The following FOXP2 variants were observed in gnomAD, a reference collection of about 807,000 sequenced individuals.
FOXP2 encodes forkhead box protein P2.
Under a neutral mutation model 115.8 loss-of-function variants are expected in FOXP2, and 12 were observed. That is an observed-to-expected ratio of 0.10 (90% CI 0.07 to 0.17). The LOEUF (loss-of-function observed/expected upper bound fraction) is 0.17. Among genes scored for constraint, FOXP2 ranks in the 10% least tolerant of loss-of-function variants. The probability of loss-of-function intolerance (pLI) is 1.00; values close to 1 mark genes in which losing one functional copy is unlikely to be tolerated. For synonymous variants in FOXP2, 328 were observed against 297.7 expected (o/e 1.10, Z -1.05); for missense variants, 629 against 843.5 (o/e 0.75, Z 3.15).
chr7:114,682,572 T>C (rs1808145360), intron 16 of FOXP2, among the ~76,000 whole-genome samples: 1 of 152,144 alleles, frequency 6.6e-6, no homozygotes, highest in African/African-American at 2.4e-5. Flanking sequence ...CATGGCACCT[T>C]GAGGAATTTG....
Position 114,690,125 on chromosome 7 carries a change from T to A in FOXP2, c.*199T>A. 1 of 582,670 alleles carries A rather than the reference T, an allele frequency of 1.7e-6. No homozygotes were observed. The highest frequency in any genetic ancestry group is 3.0e-6 in the Non-Finnish European group (1 of 330,938). The allele number at this position is 582,670 out of a possible 1,614,324, so 36.1% of individuals were successfully genotyped here. A position where few individuals can be genotyped will look rare whatever the true frequency, so the allele number is the denominator to read the frequency against. On this transcript the variant is annotated 3_prime_UTR_variant, in exon 17 of 17. Coordinates refer to ENST00000350908, the MANE Select transcript of FOXP2 (RefSeq NM_014491.4). ...AAATTGCTTGTTTTCTTCTTCTTCT[T>A]CTTCTTTTTTTTTTTTTTTTTAGAA...
intron 2 of FOXP2, among the ~76,000 whole-genome samples, chr7:114,306,280 A>G (rs1797012526): frequency 6.6e-6 from 1 of 152,110 alleles, no homozygotes; most frequent in Non-Finnish European, 1.5e-5. Context: ...AAGCCACATG[A>G]ACATTAGTTT....
intron 2 of FOXP2, among the ~76,000 whole-genome samples, chr7:114,298,210 C>G (rs1473558434): frequency 1.3e-5 from 2 of 152,154 alleles, no homozygotes; most frequent in African/African-American, 4.8e-5. Flanking sequence ...AACTGCAGAT[C>G]AGAGAACTTG....
At chr7:114,620,247 T>A (rs1264449680) in intron 3 of FOXP2, among the ~76,000 whole-genome samples, 1 of 152,070 alleles carries the variant, frequency 6.6e-6, no homozygotes, top group Non-Finnish European at 1.5e-5. Flanking sequence ...GATTCCAAGC[T>A]TAGAAATAAC....
At chr7:114,369,372 T>A (rs908006836) in intron 2 of FOXP2, among the ~76,000 whole-genome samples, 2 of 152,198 alleles carry the variant, frequency 1.3e-5, no homozygotes, top group African/African-American at 4.8e-5. Context: ...GGTACTGATG[T>A]TCCTTGTCCA....
intron 1 of FOXP2, among the ~76,000 whole-genome samples, chr7:114,176,298 T>TTCTCTCTC (rs1554426487): frequency 0.025 from 1,932 of 76,536 alleles, 31 homozygotes; most frequent in Non-Finnish European, 0.033. Flanking sequence ...CTTTCTTTCT[T>TTCTCTCTC]TCTCTCTCTC....
intron 3 of FOXP2, among the ~76,000 whole-genome samples, chr7:114,614,729 G>A (rs1319769261): frequency 6.6e-5 from 10 of 151,924 alleles, no homozygotes; most frequent in Admixed American, 5.9e-4. Context: ...AAGACATAAC[G>A]GAAGAAAAGA....
intron 16 of FOXP2, among the ~76,000 whole-genome samples, chr7:114,681,680 T>A (rs2039684680): frequency 1.3e-5 from 2 of 152,186 alleles, no homozygotes. Context: ...GCTTAGTATT[T>A]TAGTGACCCA....
intron 3 of FOXP2, among the ~76,000 whole-genome samples, chr7:114,568,916 C>T (rs987912523): frequency 1.3e-5 from 2 of 151,840 alleles, no homozygotes; most frequent in African/African-American, 4.8e-5. Flanking sequence ...TCCAGGATCC[C>T]AACATGTTTT....
rs1396785308 is a variant in FOXP2, at chr7:114,342,318, A to G, written c.-11+54209A>G. 2.0e-5 allele frequency among the ~76,000 whole-genome samples: 3 copies of G among 151,404 alleles called. No homozygotes were observed. In the Admixed American group the frequency reaches 2.0e-4, roughly 10 times the overall value. On this transcript the variant is annotated intron_variant, in intron 2 of 17. Coordinates refer to the FOXP2 transcript ENST00000634411. ...CTATAATAATATAGTATTACACATGATAGTATTTATATAATACCTCTTAAA... is the reference window on the plus strand; with the variant it reads ...CTATAATAATATAGTATTACACATGGTAGTATTTATATAATACCTCTTAAA...
chr7:114,452,672 G>A (rs995219057), intron 2 of FOXP2, among the ~76,000 whole-genome samples: 3 of 152,128 alleles, frequency 2.0e-5, no homozygotes, highest in Middle Eastern at 3.4e-3. Flanking sequence ...TCAAATTTTT[G>A]AAAAGTATAG....
rs143583323 is a variant in FOXP2, at chr7:114,178,518, G to T, written c.-102+15430G>T. Among the ~76,000 whole-genome samples, 433 of 151,932 alleles carry T rather than the reference G, an allele frequency of 2.8e-3. 2 individuals carry two copies. The highest frequency in any genetic ancestry group is 9.9e-3 in the African/African-American group (413 of 41,518). Reference sequence around the variant, plus strand: ...ACATGAGATACAACTTGTTCTAGTTGCTCCCATTGAATTTTATGAAAATTT... The same window carrying T: ...ACATGAGATACAACTTGTTCTAGTTTCTCCCATTGAATTTTATGAAAATTT... On this transcript the variant is annotated intron_variant, in intron 1 of 17. Transcript: ENST00000634411.
intron 1 of FOXP2, among the ~76,000 whole-genome samples, chr7:114,267,714 G>A (rs796745531): frequency 6.1e-5 from 9 of 148,486 alleles, no homozygotes; most frequent in African/African-American, 2.0e-4. Flanking sequence ...GAGACAGAGC[G>A]AGACTCCATC....
At chr7:114,315,407 C>T (rs1039107131) in intron 2 of FOXP2, among the ~76,000 whole-genome samples, 18 of 152,060 alleles carry the variant, frequency 1.2e-4, no homozygotes, top group African/African-American at 2.9e-4. Context: ...TCAGGCTCCT[C>T]GGTTTCTATT....
chr7:114,199,029 T>C (rs1214201874), intron 1 of FOXP2, among the ~76,000 whole-genome samples: 1 of 152,174 alleles, frequency 6.6e-6, no homozygotes, highest in Non-Finnish European at 1.5e-5. Context: ...ATACTTTGTT[T>C]TTTAGATAAG....
Position 114,642,795 on chromosome 7 carries a change from TATATATA to T in FOXP2, c.989+173_989+179del, listed in dbSNP as rs1303276443. On this transcript the variant is annotated intron_variant, in intron 7 of 16. Transcript: ENST00000350908. The stretch of plus-strand genomic sequence containing the variant: ...TTTATATATAATATATATATATATA[TATATATA>T]TATATATATATTTTTTTTTTTTTTT... Among the ~76,000 whole-genome samples the T allele has an allele frequency of 1.1e-3, 42 of 38,588 alleles. 1 individual carries two copies. The East Asian group carries it at 0.012, about 11-fold the overall frequency. 25.3% of individuals were successfully genotyped at this position (38,588 alleles called of 152,430 possible). A position where few individuals can be genotyped will look rare whatever the true frequency, so the allele number is the denominator to read the frequency against.
intron 1 of FOXP2, among the ~76,000 whole-genome samples, chr7:114,101,563 T>C (rs1209553938): frequency 6.6e-6 from 1 of 152,094 alleles, no homozygotes; most frequent in African/African-American, 2.4e-5. Context: ...TTTTAGAAAA[T>C]TTTTAAGTGC....
At chr7:114,440,779 T>G (rs1178528385) in intron 2 of FOXP2, among the ~76,000 whole-genome samples, 2 of 152,150 alleles carry the variant, frequency 1.3e-5, no homozygotes, top group African/African-American at 2.4e-5. Context: ...CTAAGCTTGA[T>G]CCTACTGTAC....
chr7:114,353,549 G>A (rs958741041), intron 2 of FOXP2, among the ~76,000 whole-genome samples: 1 of 151,936 alleles, frequency 6.6e-6, no homozygotes, highest in Non-Finnish European at 1.5e-5. Context: ...ATTGTGAAAT[G>A]AAACAACATT....
Sources: gnomAD v4.1 joint callset for allele counts (sites outside exome capture counted in the v4.1 genomes callset) on GRCh38, gnomAD v4.1.1 for gene constraint, MANE v1.5 for transcripts, NCBI Gene and HGNC (gene_info 2026-07-23, HGNC 2026-07-21) for gene names.